The following PDZD2 variants were observed in gnomAD, a reference collection of about 807,000 sequenced individuals.
PDZD2 encodes PDZ domain containing 2.
Under a neutral mutation model 220.7 loss-of-function variants are expected in PDZD2, and 90 were observed. That is an observed-to-expected ratio of 0.41 (90% CI 0.34 to 0.49). The LOEUF is 0.49. Ranked by LOEUF, PDZD2 falls within the 20% of genes least tolerant of loss-of-function variation. The pLI is 0.28. For synonymous variants in PDZD2, 1,375 were observed against 1,450.5 expected, an observed-to-expected ratio of 0.95 and a Z score of 1.18; for missense variants, 3,174 against 3,608.5, an observed-to-expected ratio of 0.88 and a Z score of 3.08.
intron 1 of PDZD2, among the ~76,000 whole-genome samples, chr5:31,672,283 A>G (rs1444578673): frequency 6.6e-6 from 1 of 152,156 alleles, no homozygotes; most frequent in East Asian, 1.9e-4. Flanking sequence ...GAGAGTCTGC[A>G]TTTCTGTTGC....
intron 1 of PDZD2, among the ~76,000 whole-genome samples, chr5:31,765,225 A>G (rs1751929535): frequency 6.6e-6 from 1 of 152,168 alleles, no homozygotes; most frequent in Non-Finnish European, 1.5e-5. Flanking sequence ...GACCACTGGC[A>G]TTCCTTCAAC....
chr5:31,658,169 G>A (rs1745623592), intron 1 of PDZD2, among the ~76,000 whole-genome samples: 1 of 152,148 alleles, frequency 6.6e-6, no homozygotes, highest in Non-Finnish European at 1.5e-5. Flanking sequence ...CAGACAGGTG[G>A]ACGGACAGTC....
chr5:31,759,809 C>A (rs989165294), intron 1 of PDZD2, among the ~76,000 whole-genome samples: 10 of 152,166 alleles, frequency 6.6e-5, no homozygotes, highest in African/African-American at 2.4e-4. Flanking sequence ...CCTCCCAAAG[C>A]GTTGGGATTA....
chr5:32,051,695 G>A (rs978613251), intron 8 of PDZD2, among the ~76,000 whole-genome samples: 1 of 152,136 alleles, frequency 6.6e-6, no homozygotes, highest in African/African-American at 2.4e-5. Context: ...GGGTGAGATT[G>A]GAGCTGCTGC....
chr5:31,868,029 A>G (rs758231383), intron 2 of PDZD2, among the ~76,000 whole-genome samples: 1 of 152,056 alleles, frequency 6.6e-6, no homozygotes, highest in African/African-American at 2.4e-5. Context: ...CATTTTGCAG[A>G]TCTGGGCCTG....
chr5:31,988,725 T>C lies in PDZD2; in HGVS notation c.978+5069T>C, dbSNP rs569417241. Reference sequence around the variant, plus strand: ...GATATCCAGTTTCTTATTCCCTGATTTGGAGTGAATTCACTGCAAGCTTTT... The same window carrying C: ...GATATCCAGTTTCTTATTCCCTGATCTGGAGTGAATTCACTGCAAGCTTTT... On this transcript the variant is annotated intron_variant, in intron 3 of 24. Transcript: ENST00000438447. Among the ~76,000 whole-genome samples the C allele has an allele frequency of 3.3e-5, 5 of 152,274 alleles. No individual in the cohort carries two copies. The East Asian group carries it at 9.7e-4, about 29-fold the overall frequency.
intron 2 of PDZD2, among the ~76,000 whole-genome samples, chr5:31,825,326 A>C (rs988428845): frequency 3.9e-5 from 6 of 152,206 alleles, no homozygotes; most frequent in Admixed American, 3.9e-4. Context: ...AGAGGAACAC[A>C]GAGTGGACAT....
intron 1 of PDZD2, among the ~76,000 whole-genome samples, chr5:31,698,958 C>T (rs958719643): frequency 1.3e-5 from 2 of 152,094 alleles, no homozygotes; most frequent in Non-Finnish European, 2.9e-5. Context: ...TTTTCTATTC[C>T]GTCAGCAGTG....
At chr5:31,816,186 G>T (rs910180540) in intron 2 of PDZD2, among the ~76,000 whole-genome samples, 2 of 151,568 alleles carry the variant, frequency 1.3e-5, no homozygotes, top group Admixed American at 1.3e-4. Flanking sequence ...TACTCGGGAG[G>T]CTGAGGCAGG....
intron 2 of PDZD2, among the ~76,000 whole-genome samples, chr5:31,807,445 G>C (rs1472472918): frequency 2.0e-5 from 3 of 152,166 alleles, no homozygotes; most frequent in Admixed American, 2.0e-4. Context: ...TCTGGCACAT[G>C]GTAGCTGTTC....
chr5:31,870,845 CA>C (rs1158558672), intron 2 of PDZD2, among the ~76,000 whole-genome samples: 2 of 149,060 alleles, frequency 1.3e-5, no homozygotes, highest in African/African-American at 5.0e-5. Flanking sequence ...GTGGAAATCA[CA>C]CCACTGCACT....
At chr5:31,991,084 G>A (rs1243501583) in intron 3 of PDZD2, among the ~76,000 whole-genome samples, 2 of 152,234 alleles carry the variant, frequency 1.3e-5, no homozygotes, top group Admixed American at 6.5e-5. Flanking sequence ...GATTCAGGAG[G>A]TGTGGGCAGG....
chr5:31,966,401 G>A (rs1748764365), intron 2 of PDZD2, among the ~76,000 whole-genome samples: 1 of 152,150 alleles, frequency 6.6e-6, no homozygotes, highest in Non-Finnish European at 1.5e-5. Context: ...TTGTGTTTGT[G>A]CATCCAACAA....
At chr5:32,106,151 A>C (rs987739810) in intron 24 of PDZD2, 1 of 153,466 alleles carries the variant, frequency 6.5e-6, no homozygotes, top group African/African-American at 2.4e-5. Flanking sequence ...GGGAGCCCTG[A>C]GCTTGTTTTC....
chr5:31,796,080 A>G (rs1181137431), intron 1 of PDZD2, among the ~76,000 whole-genome samples: 3 of 152,204 alleles, frequency 2.0e-5, no homozygotes, highest in African/African-American at 4.8e-5. Flanking sequence ...GTGATTGGAC[A>G]TCAGATCCGA....
In PDZD2 at chr5:31,727,432, C is replaced by A. The variant is rs373563555; in HGVS notation, c.-360-71457C>A. Among the ~76,000 whole-genome samples the A allele has an allele frequency of 1.4e-3, 212 of 152,322 alleles. 2 individuals carry two copies. Among genetic ancestry groups the A allele is most frequent in the Non-Finnish European group, 6.2e-4 (42 of 68,034 alleles). ...CTTGCTATAAGGTCACATGGCCGGG[C>A]GCGGTGGCTCACGCCTGTAATCCCA... is the stretch of plus-strand genomic sequence containing the variant. On this transcript the variant is annotated intron_variant, in intron 1 of 24. Coordinates refer to ENST00000438447, the MANE Select transcript of PDZD2 (RefSeq NM_178140.4).
At chr5:32,014,195 T>G (rs565559314) in intron 6 of PDZD2, among the ~76,000 whole-genome samples, 1 of 152,224 alleles carries the variant, frequency 6.6e-6, no homozygotes, top group Non-Finnish European at 1.5e-5. Flanking sequence ...ATGATGATGA[T>G]GAAACCTGCC....
intron 1 of PDZD2, among the ~76,000 whole-genome samples, chr5:31,670,269 T>C (rs1221408342): frequency 6.6e-6 from 1 of 152,164 alleles, no homozygotes; most frequent in East Asian, 1.9e-4. Context: ...GTGTTTTGGT[T>C]GCTGCTGGTT....
intron 1 of PDZD2, among the ~76,000 whole-genome samples, chr5:31,797,464 G>T (rs909532205): frequency 6.6e-6 from 1 of 151,480 alleles, no homozygotes; most frequent in East Asian, 2.0e-4. Flanking sequence ...GATTACACAC[G>T]CCTGGGATTA....
Sources: allele counts gnomAD v4.1 joint callset (sites outside exome capture counted in the v4.1 genomes callset), GRCh38; gene constraint gnomAD v4.1.1; transcripts MANE v1.5; gene names NCBI Gene and HGNC (gene_info 2026-07-23, HGNC 2026-07-21).